Variants in SMIM24 observed in about 807,000 individuals in gnomAD.
SMIM24 encodes the protein small integral membrane protein 24.
A neutral mutation model predicts 10.8 loss-of-function variants in SMIM24; 6 were observed. The ratio of observed to expected loss-of-function variants is 0.55; its 90% CI spans 0.30 to 1.09. The LOEUF is 1.09. Among genes scored for constraint, SMIM24 ranks in the 50% least tolerant of loss-of-function variants. SMIM24 has a pLI of 0.06. For synonymous variants in SMIM24, 71 were observed against 62.4 expected (o/e 1.14, Z -0.65); for missense variants, 151 against 153.4 (o/e 0.98, Z 0.08).
intron 1 of SMIM24, among the ~76,000 whole-genome samples, chr19:3,479,441 G>T (rs144793921): frequency 0.016 from 2,344 of 150,542 alleles, 31 homozygotes; most frequent in Non-Finnish European, 0.024. Context: ...GGAGCTGTTG[G>T]GGGGAGCTTA....
intron 1 of SMIM24, among the ~76,000 whole-genome samples, chr19:3,480,112 C>A (rs2082811933): frequency 6.7e-6 from 1 of 149,902 alleles, no homozygotes; most frequent in African/African-American, 2.5e-5. Flanking sequence ...GAGGCCCGAG[C>A]TCAGAGTGGG....
At chr19:3,479,831 G>C (rs975800484) in intron 1 of SMIM24, among the ~76,000 whole-genome samples, 1 of 144,210 alleles carries the variant, frequency 6.9e-6, no homozygotes, top group African/African-American at 2.6e-5. Context: ...CTCGGGGAGG[G>C]GTTTATAAAG....
chr19:3,474,682 A>G lies in SMIM24; in HGVS notation c.*161T>C, dbSNP rs903754886. ...AACCATGTTTGCCCAGAGAGCCCCC[A>G]ATGAGGGAGGTGGGGTGGGTTCCAA... On this transcript the variant is annotated 3_prime_UTR_variant, in exon 4 of 4. Transcript: ENST00000215531. 8.1e-6 allele frequency: 7 copies of G among 865,994 alleles called. No individual in the cohort carries two copies. In the African/African-American group the frequency reaches 8.5e-5, roughly 11 times the overall value. The allele number at this position is 865,994 out of a possible 1,614,324, so 53.6% of individuals were successfully genotyped here.
At position 3,480,436 on chromosome 19, in the gene SMIM24, G is replaced by A. The variant is rs1457761296; in HGVS notation, c.28C>T (p.Leu10=). The change falls in exon 1 of 4, where the codon CTG becomes TTG. Residue 10 remains leucine, a synonymous_variant. Coordinates refer to ENST00000215531, the MANE Select transcript of SMIM24 (RefSeq NM_001136503.2). ...ACCGGGGAGAGGAGCAGAAACTCCA[G>A]CACCAGAAGGGCCCCCAGGGTCTCC... METLGALLV[L]EFLLLSPVEA... is the part of the protein sequence containing the mutation. 2.0e-5 allele frequency: 30 copies of A among 1,536,310 alleles called. No homozygotes were observed. Among genetic ancestry groups the A allele is most frequent in the Non-Finnish European group, 2.5e-5 (29 of 1,140,404 alleles).
At position 3,478,689 on chromosome 19, in the gene SMIM24, G is replaced by A. The variant is rs1599751076; in HGVS notation, c.179+129C>T. 6 of 874,636 alleles carry A rather than the reference G, an allele frequency of 6.9e-6. No homozygotes were observed. In the East Asian group the frequency reaches 1.6e-4, roughly 24 times the overall value. 54.2% of individuals were successfully genotyped at this position (874,636 alleles called of 1,614,324 possible). ...CGGGATCTGGGCTCTGAGAGTAGAG[G>A]TTGGAGGAGCAGCAGGGAAATGGGA... is the stretch of plus-strand genomic sequence containing the variant. On this transcript the variant is annotated intron_variant, in intron 2 of 3. Coordinates refer to ENST00000215531, the MANE Select transcript of SMIM24 (RefSeq NM_001136503.2).
intron 1 of SMIM24, 66 bp downstream of exon 1, chr19:3,480,331 G>A: frequency 7.4e-7 from 1 of 1,355,898 alleles, no homozygotes; most frequent in South Asian, 1.4e-5. Flanking sequence ...TGGAAAATTG[G>A]GAGATGGTGA....
chr19:3,474,941 CCTT>C lies in SMIM24; in HGVS notation c.292_294del (p.Lys98del), dbSNP rs1225191721. 2.6e-6 allele frequency: 4 copies of C among 1,551,488 alleles called. No homozygotes were observed. The highest frequency in any genetic ancestry group is 2.0e-5 in the Admixed American group (1 of 50,980). On this transcript the variant is annotated inframe_deletion, in exon 4 of 4. Coordinates refer to ENST00000215531, the MANE Select transcript of SMIM24 (RefSeq NM_001136503.2). ...TCTCCTTCCTTTGCTGTCTTTTTCT[CCTT>C]CTTCCTCTTCTCTTCTTTCTCCTTG...
intron 1 of SMIM24, 40 bp from the exon 2 acceptor site, chr19:3,478,969 G>A (rs1376986459): frequency 2.7e-6 from 4 of 1,492,844 alleles, no homozygotes; most frequent in Non-Finnish European, 3.6e-6. Context: ...AGGAAGAAAA[G>A]GTCAGAAGAC....
At chr19:3,478,606 G>A (rs1277036367) in intron 2 of SMIM24, 128 bp from the exon 3 acceptor site, 10 of 976,812 alleles carry the variant, frequency 1.0e-5, no homozygotes, top group Non-Finnish European at 1.5e-5. Context: ...ACCCCAGGAC[G>A]CAAGGAAGGG....
chr19:3,477,560 T>C (rs1376701471), intron 3 of SMIM24, among the ~76,000 whole-genome samples: 1 of 131,284 alleles, frequency 7.6e-6, no homozygotes, highest in East Asian at 2.4e-4. Flanking sequence ...AGTGGGTGGA[T>C]GGGTGAGTGG....
chr19:3,478,895 G>A lies in SMIM24; in HGVS notation c.102C>T (p.Gly34=), dbSNP rs1408343995. 1.9e-6 allele frequency: 3 copies of A among 1,549,936 alleles called. No individual in the cohort carries two copies. The highest frequency in any genetic ancestry group is 2.6e-6 in the Non-Finnish European group (3 of 1,146,762). The change falls in exon 2 of 4, where the codon GGC becomes GGT. Residue 34 remains glycine, a synonymous_variant. Transcript: ENST00000215531. Reference sequence around the variant, plus strand: ...ACAGGAAGCCGACTACCGCAGCCAGGCCCACCAGCCACGGCTTCAGGCGAT... The same window carrying A: ...ACAGGAAGCCGACTACCGCAGCCAGACCCACCAGCCACGGCTTCAGGCGAT... ...TEHRLKPWLV[G]LAAVVGFLFI...
intron 1 of SMIM24, 37 bp downstream of exon 1, chr19:3,480,360 T>C (rs2074961): frequency 0.43 from 524,834 of 1,232,682 alleles, 124,759 homozygotes; most frequent in East Asian, 0.8. Flanking sequence ...CCAACTCCCC[T>C]ATCCCGCGAC....
At chr19:3,478,584 CG>C in intron 2 of SMIM24, 106 bp from the exon 3 acceptor site, 3 of 1,134,188 alleles carry the variant, frequency 2.6e-6, no homozygotes, top group Non-Finnish European at 3.7e-6. Context: ...ACCTCCCAGC[CG>C]GGGCTCATGA....
intron 3 of SMIM24, 123 bp downstream of exon 3, chr19:3,478,296 G>A (rs1014467878): frequency 2.2e-6 from 2 of 926,202 alleles, no homozygotes; most frequent in African/African-American, 1.7e-5. Context: ...ATACAGGAAA[G>A]GTGAAGATCC....
In SMIM24 at chr19:3,478,624, G is replaced by T. The variant is rs1010893453; in HGVS notation, c.180-146C>A. 4 of 921,092 alleles carry T rather than the reference G, an allele frequency of 4.3e-6. No homozygotes were observed. The African/African-American group carries it at 6.7e-5, about 15-fold the overall frequency. The allele number at this position is 921,092 out of a possible 1,614,324, so 57.1% of individuals were successfully genotyped here. A position where few individuals can be genotyped will look rare whatever the true frequency, so the allele number is the denominator to read the frequency against. On this transcript the variant is annotated intron_variant, in intron 2 of 3. Coordinates refer to ENST00000215531, the MANE Select transcript of SMIM24 (RefSeq NM_001136503.2). ...CCAGGACGCAAGGAAGGGCTGGGCT[G>T]CCTGGCTCGTTGTCTTGGGGAGACG...
intron 3 of SMIM24, among the ~76,000 whole-genome samples, chr19:3,478,138 A>G (rs1203940042): frequency 2.0e-5 from 3 of 152,140 alleles, no homozygotes; most frequent in African/African-American, 7.2e-5. Context: ...GGCACCACGT[A>G]ATGTCTCAAA....
rs147695482 is a variant in SMIM24, at chr19:3,474,288, G to C, written c.*555C>G. ...GGGGAGTGTTTAATCTGCTCAGGGC[G>C]TCTGGGCACCTGTGCACCCTGAGCC... On this transcript the variant is annotated 3_prime_UTR_variant, in exon 4 of 4. Transcript: ENST00000215531. The C allele has an allele frequency of 1.6e-3, 253 of 153,858 alleles. 3 individuals are homozygous for C. Among genetic ancestry groups the C allele is most frequent in the Admixed American group, 0.015 (228 of 15,622 alleles). The allele number at this position is 153,858 out of a possible 1,614,324, so 9.5% of individuals were successfully genotyped here.
At position 3,474,770 on chromosome 19, in the gene SMIM24, G is replaced by A. The variant is rs2082785797; in HGVS notation, c.*73C>T. The A allele has an allele frequency of 2.0e-6, 3 of 1,500,916 alleles. No homozygotes were observed. The highest frequency in any genetic ancestry group is 1.8e-6 in the Non-Finnish European group (2 of 1,123,790). The allele number at this position is 1,500,916 out of a possible 1,614,324, so 93.0% of individuals were successfully genotyped here. On this transcript the variant is annotated 3_prime_UTR_variant, in exon 4 of 4. Coordinates refer to ENST00000215531, the MANE Select transcript of SMIM24 (RefSeq NM_001136503.2). ...GATGGAGTCATTTCACGGGCTTCAA[G>A]TCCAGGGCACTGCTTTTAGGGGGCA...
At position 3,478,906 on chromosome 19, in the gene SMIM24, A is replaced by G. The variant is rs1023611452; in HGVS notation, c.91T>C (p.Trp31Arg). The G allele has an allele frequency of 3.2e-6, 5 of 1,549,842 alleles. No homozygotes were observed. In the African/African-American group the frequency reaches 6.8e-5, roughly 21 times the overall value. ...ACTACCGCAGCCAGGCCCACCAGCC[A>G]CGGCTTCAGGCGATGCTCCGTGGCT... is the stretch of plus-strand genomic sequence containing the variant. ...QQATEHRLKP[W>R]LVGLAAVVGF... is the part of the protein sequence containing the mutation. Residue 31 changes from tryptophan (W) to arginine (R), a missense_variant, in exon 2 of 4, where the codon TGG becomes CGG. Coordinates refer to ENST00000215531, the MANE Select transcript of SMIM24 (RefSeq NM_001136503.2).
Sources: allele counts gnomAD v4.1 joint callset (sites outside exome capture counted in the v4.1 genomes callset), GRCh38; gene constraint gnomAD v4.1.1; transcripts MANE v1.5; gene names NCBI Gene and HGNC (gene_info 2026-07-23, HGNC 2026-07-21).